Variants in MERTK observed in about 807,000 individuals in gnomAD.
The protein encoded by MERTK is MER proto-oncogene, tyrosine kinase.
In MERTK, 69 loss-of-function variants were observed where a neutral mutation model predicts 99.3. The observed-to-expected ratio is 0.70, with a 90% CI of 0.57 to 0.85. MERTK has a LOEUF of 0.85. Ranked by LOEUF, MERTK falls within the 40% of genes least tolerant of loss-of-function variation. The pLI is 0.00. For synonymous variants in MERTK, 426 were observed against 467.6 expected (o/e 0.91, Z 1.15); for missense variants, 1,125 against 1,249.4 (o/e 0.90, Z 1.50).
At chr2:112,024,316 T>A (rs1327484696) in intron 18 of MERTK, among the ~76,000 whole-genome samples, 1 of 152,230 alleles carries the variant, frequency 6.6e-6, no homozygotes, top group Admixed American at 6.5e-5. Flanking sequence ...TAGCAGGGTC[T>A]AAGCTGTGTC....
intron 15 of MERTK, among the ~76,000 whole-genome samples, chr2:112,011,300 CAG>C (rs900578422): frequency 2.0e-5 from 3 of 152,298 alleles, no homozygotes; most frequent in African/African-American, 4.8e-5. Context: ...AGACAAAACA[CAG>C]GGGAAAATGT....
chr2:111,925,993 G>A (rs746164892), intron 1 of MERTK, among the ~76,000 whole-genome samples: 4 of 151,626 alleles, frequency 2.6e-5, no homozygotes, highest in Non-Finnish European at 5.9e-5. Flanking sequence ...CACCATGCCC[G>A]GCTAATTTTT....
chr2:112,007,186 G>T (rs1005646143), intron 13 of MERTK, among the ~76,000 whole-genome samples: 1 of 151,948 alleles, frequency 6.6e-6, no homozygotes, highest in Admixed American at 6.6e-5. Context: ...ACGGAGTCTC[G>T]CTCTGTTGCC....
chr2:112,025,997 C>A (rs903886265), intron 18 of MERTK, among the ~76,000 whole-genome samples: 1 of 152,210 alleles, frequency 6.6e-6, no homozygotes, highest in Non-Finnish European at 1.5e-5. Flanking sequence ...ATGATCACAT[C>A]TTTTATAAAA....
chr2:112,007,432 G>C (rs1677005642), intron 13 of MERTK, among the ~76,000 whole-genome samples: 2 of 152,170 alleles, frequency 1.3e-5, no homozygotes, highest in South Asian at 4.1e-4. Context: ...GGGATTACAG[G>C]CGTGAGCCAC....
chr2:112,022,012 A>G (rs555393292), intron 17 of MERTK, among the ~76,000 whole-genome samples: 1 of 152,298 alleles, frequency 6.6e-6, no homozygotes, highest in East Asian at 1.9e-4. Context: ...GAGAGCACTA[A>G]GCAGATGTGT....
At chr2:111,915,583 T>A (rs1350934845) in intron 1 of MERTK, among the ~76,000 whole-genome samples, 1 of 1,218 alleles carries the variant, frequency 8.2e-4, no homozygotes, top group East Asian at 0.5. Context: ...AATTTTTTTC[T>A]TGACACTTCT....
At chr2:111,921,502 CAAA>C (rs57283084) in intron 1 of MERTK, among the ~76,000 whole-genome samples, 187 of 137,830 alleles carry the variant, frequency 1.4e-3, no homozygotes, top group Admixed American at 1.2e-3. Context: ...GACGCGATCT[CAAA>C]AAAAAAAAAA....
At chr2:111,994,771 C>T in intron 9 of MERTK, 1 of 216,972 alleles carries the variant, frequency 4.6e-6, no homozygotes, top group Admixed American at 5.3e-5. Context: ...GAGTGAGACC[C>T]TGTCTCAAAA....
chr2:111,997,602 A>G (rs1461540297), intron 10 of MERTK, 126 bp downstream of exon 10: 1 of 1,139,970 alleles, frequency 8.8e-7, no homozygotes, highest in East Asian at 2.5e-5. Flanking sequence ...CCTTATGCAT[A>G]CCCTGGGCTC....
chr2:111,936,510 C>T (rs986779677), intron 2 of MERTK, among the ~76,000 whole-genome samples: 9 of 152,102 alleles, frequency 5.9e-5, no homozygotes, highest in Admixed American at 5.2e-4. Context: ...AGCCTAGGTG[C>T]CCTCTTGAGC....
chr2:111,927,199 C>T (rs1466319075), intron 1 of MERTK, among the ~76,000 whole-genome samples: 1 of 152,220 alleles, frequency 6.6e-6, no homozygotes, highest in South Asian at 2.1e-4. Flanking sequence ...GGAGGCAGTT[C>T]CCAAAGGCAA....
At chr2:111,995,230 A>G (rs937624676) in intron 9 of MERTK, 1 of 155,520 alleles carries the variant, frequency 6.4e-6, no homozygotes, top group African/African-American at 2.4e-5. Flanking sequence ...ATGCCCAGCC[A>G]TGCGTGTTGG....
intron 2 of MERTK, chr2:111,940,543 G>A: frequency 1.6e-6 from 1 of 616,202 alleles, no homozygotes; most frequent in Non-Finnish European, 3.2e-6. Flanking sequence ...TGCATCCTGT[G>A]TCAGGTGCTC....
chr2:112,014,039 T>G (rs112123704), intron 15 of MERTK, among the ~76,000 whole-genome samples: 33,770 of 146,046 alleles, frequency 0.23, 3,918 homozygotes, highest in South Asian at 0.31. Flanking sequence ...TTTTTTTTTT[T>G]GAGACAGAGT....
Position 111,968,107 on chromosome 2 carries a change from A to ATGTGTGTG in MERTK, c.845-22_845-15dup, listed in dbSNP as rs113538397. Reference sequence around the variant, plus strand: ...CATCTATAATTGTGTTTGTGTGTGTATGTGTGTGTGTGTGTTTTGTTTTAT... The same window carrying ATGTGTGTG: ...CATCTATAATTGTGTTTGTGTGTGTATGTGTGTGTGTGTGTGTGTGTGTTTTGTTTTAT... On this transcript the variant is annotated intron_variant, in intron 5 of 18. Transcript: ENST00000295408. 2.9e-3 allele frequency: 3,604 copies of ATGTGTGTG among 1,255,066 alleles called. 16 individuals are homozygous for ATGTGTGTG. Among genetic ancestry groups the ATGTGTGTG allele is most frequent in the African/African-American group, 0.023 (1,526 of 67,390 alleles). 77.7% of individuals were successfully genotyped at this position (1,255,066 alleles called of 1,614,324 possible). A position where few individuals can be genotyped will look rare whatever the true frequency, so the allele number is the denominator to read the frequency against.
chr2:112,025,257 C>G (rs1025444845), intron 18 of MERTK, among the ~76,000 whole-genome samples: 31 of 152,308 alleles, frequency 2.0e-4, no homozygotes, highest in Admixed American at 1.1e-3. Flanking sequence ...TGGTCATGTT[C>G]TACCTGCATC....
intron 2 of MERTK, among the ~76,000 whole-genome samples, chr2:111,930,894 A>T (rs964812104): frequency 7.2e-5 from 11 of 151,860 alleles, no homozygotes; most frequent in African/African-American, 2.7e-4. Flanking sequence ...GTTTTTTTGC[A>T]TCAGGACTTC....
chr2:112,008,808 G>T, intron 14 of MERTK: 1 of 386,518 alleles, frequency 2.6e-6, no homozygotes, highest in Non-Finnish European at 4.9e-6. Context: ...TTAAGGTTAT[G>T]CATGAGTTAG....
Sources: gnomAD v4.1 joint callset for allele counts (sites outside exome capture counted in the v4.1 genomes callset) on GRCh38, gnomAD v4.1.1 for gene constraint, MANE v1.5 for transcripts, NCBI Gene and HGNC (gene_info 2026-07-23, HGNC 2026-07-21) for gene names.